The following BSG variants were observed in gnomAD, a reference collection of about 807,000 sequenced individuals.
BSG encodes the protein basigin (Ok blood group).
A neutral mutation model predicts 43.1 loss-of-function variants in BSG; 37 were observed. That is an observed-to-expected ratio of 0.86 (90% CI 0.66 to 1.13). The LOEUF is 1.13. Among genes scored for constraint, BSG ranks in the 50% most tolerant of loss-of-function variants. The pLI, the probability that BSG is intolerant of heterozygous loss-of-function variation, is 0.00. For synonymous variants in BSG, 309 were observed against 238.7 expected, an observed-to-expected ratio of 1.29 and a Z score of -2.72; for missense variants, 599 against 554.2, an observed-to-expected ratio of 1.08 and a Z score of -0.81.
intron 1 of BSG, among the ~76,000 whole-genome samples, chr19:572,979 C>T (rs1423684760): frequency 3.3e-5 from 5 of 152,268 alleles, no homozygotes; most frequent in Middle Eastern, 3.4e-3. Flanking sequence ...AAGCTCCCTG[C>T]TTGGAGGCGG....
chr19:577,554 A>G (rs1981881639), intron 1 of BSG, among the ~76,000 whole-genome samples: 1 of 152,096 alleles, frequency 6.6e-6, no homozygotes, highest in Admixed American at 6.5e-5. Context: ...GTGCCCTCAG[A>G]AGCCGCCGTG....
rs1000243523 is a variant in BSG, at chr19:577,797, T to A, written c.91T>A (p.Ser31Thr). The part of the protein sequence containing the change: ...GAAGFVQAPL[S>T]QQRWVGGSVE... ...AGCCGGCTTCGTCCAGGCGCCGCTG[T>A]CCCAGCAGAGGTGGGTGGGGGGCAG... Residue 31 changes from serine (S) to threonine (T), a missense_variant, in exon 2 of 9, where the codon TCC becomes ACC. Coordinates refer to ENST00000333511, the MANE Select transcript of BSG (RefSeq NM_001728.4). 29 of 1,437,910 alleles carry A rather than the reference T, an allele frequency of 2.0e-5. No individual in the cohort carries two copies. Among genetic ancestry groups the A allele is most frequent in the Non-Finnish European group, 2.2e-5 (24 of 1,089,662 alleles). 89.1% of individuals were successfully genotyped at this position (1,437,910 alleles called of 1,614,324 possible). A position where few individuals can be genotyped will look rare whatever the true frequency, so the allele number is the denominator to read the frequency against.
chr19:580,237 C>G (rs963361638), intron 3 of BSG, 142 bp from the exon 4 acceptor site: 1 of 709,254 alleles, frequency 1.4e-6, no homozygotes, highest in Non-Finnish European at 2.3e-6. Context: ...CACGGGGACC[C>G]CAGGAGTTCT....
chr19:571,475 C>A (rs899528637), upstream of BSG: 3 of 775,870 alleles, frequency 3.9e-6, no homozygotes, highest in Non-Finnish European at 7.2e-6. Flanking sequence ...TCCTTCCTAC[C>A]CGCGTTGCTG....
chr19:579,630 G>A lies in BSG; in HGVS notation c.546G>A (p.Ala182=), dbSNP rs61729580. 26,286 of 1,611,188 alleles carry A rather than the reference G, an allele frequency of 0.016. 305 individuals carry two copies. The highest frequency in any genetic ancestry group is 0.019 in the Middle Eastern group (117 of 6,018). The change falls in exon 3 of 9, where the codon GCG becomes GCA. Residue 182 remains alanine (A), a synonymous_variant. Transcript: ENST00000333511. Reference sequence around the variant, plus strand: ...GGGGCGTGGTGCTGAAGGAGGACGCGCTGCCCGGCCAGAAAACGGAGTTCA... The same window carrying A: ...GGGGCGTGGTGCTGAAGGAGGACGCACTGCCCGGCCAGAAAACGGAGTTCA... ...LKGGVVLKED[A]LPGQKTEFKV...
At chr19:578,158 T>C (rs1350509805) in intron 2 of BSG, 37 bp downstream of exon 2, 2 of 1,490,974 alleles carry the variant, frequency 1.3e-6, no homozygotes, top group Non-Finnish European at 1.8e-6. Context: ...CCTCCCTCAG[T>C]TTCCCTCCTG....
At position 577,948 on chromosome 19, in the gene BSG, T is replaced by A. The variant is rs1180698640; in HGVS notation, c.242T>A (p.Ile81Asn). 6.2e-7 allele frequency: 1 copy of A among 1,610,902 alleles called. No homozygotes were observed. Among genetic ancestry groups the A allele is most frequent in the East Asian group, 2.2e-5 (1 of 44,816 alleles). Residue 81 changes from isoleucine to asparagine, a missense_variant, in exon 2 of 9, where the codon ATC becomes AAC. Transcript: ENST00000333511. Reference sequence around the variant, plus strand: ...GGCGCCCGGCTGGACCGCGTCCACATCCACGCCACCTACCACCAGCACGCG... The same window carrying A: ...GGCGCCCGGCTGGACCGCGTCCACAACCACGCCACCTACCACCAGCACGCG... ...WDGARLDRVH[I>N]HATYHQHAAS...
At chr19:572,828 C>T in intron 1 of BSG, 127 bp downstream of exon 1, 58 of 1,119,612 alleles carry the variant, frequency 5.2e-5, no homozygotes, top group Non-Finnish European at 6.5e-5. Context: ...GAAAGGCCGG[C>T]CCCGGGGGCT....
At chr19:576,017 C>A (rs1044006293) in intron 1 of BSG, among the ~76,000 whole-genome samples, 3 of 152,234 alleles carry the variant, frequency 2.0e-5, no homozygotes, top group Non-Finnish European at 2.9e-5. Flanking sequence ...CAGGGTTGTT[C>A]CATCCAAAGC....
intron 6 of BSG, 143 bp from the exon 7 acceptor site, chr19:582,163 G>A (rs574442476): frequency 2.9e-6 from 3 of 1,017,512 alleles, no homozygotes; most frequent in Non-Finnish European, 2.9e-6. Context: ...CGTGGCCGGG[G>A]CTGATGAGCT....
intron 1 of BSG, 148 bp from the exon 2 acceptor site, chr19:577,626 G>C: frequency 1.7e-6 from 1 of 594,694 alleles, no homozygotes; most frequent in Non-Finnish European, 2.5e-6. Flanking sequence ...GCTGTTTCCA[G>C]CCGGGCCCCA....
rs746184496 is a variant in BSG, at chr19:581,322, T to C, written c.800T>C (p.Met267Thr). The C allele has an allele frequency of 4.3e-6, 7 of 1,612,064 alleles. No individual in the cohort carries two copies. In the East Asian group the frequency reaches 1.1e-4, roughly 26 times the overall value. ...TTGCCTTTGGTCCCCTAGGCCCTCA[T>C]GAACGGCTCCGAGAGCAGGTTCTTC... is the stretch of plus-strand genomic sequence containing the variant. ...KITDSEDKAL[M>T]NGSESRFFVS... is the part of the protein sequence containing the mutation. Residue 267 changes from methionine (M) to threonine (T), a missense_variant, in exon 6 of 9, where the codon ATG becomes ACG. Transcript: ENST00000333511.
intron 4 of BSG, 43 bp from the exon 5 acceptor site, chr19:580,603 C>T (rs367827704): frequency 1.2e-5 from 20 of 1,610,634 alleles, no homozygotes; most frequent in East Asian, 8.9e-5. Context: ...GGGATGGGGG[C>T]GGGCCTGCGG....
chr19:574,746 C>T (rs1326383414), intron 1 of BSG, among the ~76,000 whole-genome samples: 3 of 152,200 alleles, frequency 2.0e-5, no homozygotes, highest in Non-Finnish European at 4.4e-5. Context: ...TAACTCCTGA[C>T]CTACGTCTGA....
At chr19:573,602 C>CT (rs1259817345) in intron 1 of BSG, among the ~76,000 whole-genome samples, 1 of 152,166 alleles carries the variant, frequency 6.6e-6, no homozygotes, top group Non-Finnish European at 1.5e-5. Context: ...GAATCTCCCT[C>CT]TGATTCTGCC....
At chr19:580,846 C>T (rs1385058465) in intron 5 of BSG, 64 bp downstream of exon 5, 1 of 1,489,812 alleles carries the variant, frequency 6.7e-7, no homozygotes, top group Non-Finnish European at 9.1e-7. Flanking sequence ...GAGGCCTAGA[C>T]TGGGGGTCCC....
rs28992480 is a variant in BSG, at chr19:581,624, G to A, written c.1069+33G>A. The A allele has an allele frequency of 1.1e-3, 1,687 of 1,544,214 alleles. 12 individuals carry two copies. The African/African-American group carries it at 0.015, about 14-fold the overall frequency. ...GTCTGCCCTCCTGCCCACATGCCCT[G>A]CTCTCGGGGTGGCCCAGGGCCACTC... On this transcript the variant is annotated intron_variant, in intron 6 of 8. Coordinates refer to ENST00000333511, the MANE Select transcript of BSG (RefSeq NM_001728.4).
At position 581,344 on chromosome 19, in the gene BSG, C is replaced by T. The variant is rs767311859; in HGVS notation, c.822C>T (p.Phe274=). The T allele has an allele frequency of 8.7e-6, 14 of 1,612,628 alleles. No homozygotes were observed. In the East Asian group the frequency reaches 3.1e-4, roughly 36 times the overall value. ...KALMNGSESR[F]FVSSSQGRSE... is the part of the protein sequence containing the mutation. ...TCATGAACGGCTCCGAGAGCAGGTTCTTCGTGAGTTCCTCGCAGGGCCGGT... is the reference window on the plus strand; with the variant it reads ...TCATGAACGGCTCCGAGAGCAGGTTTTTCGTGAGTTCCTCGCAGGGCCGGT... The change falls in exon 6 of 9, where the codon TTC becomes TTT. Residue 274 remains phenylalanine (F), a synonymous_variant. Transcript: ENST00000333511.
intron 1 of BSG, chr19:575,300 TTTGC>T (rs1981667347): frequency 6.6e-6 from 1 of 152,322 alleles, no homozygotes; most frequent in Non-Finnish European, 1.5e-5. Flanking sequence ...GACACTGCTG[TTTGC>T]TCTGTGAATT....
Sources: gnomAD v4.1 joint callset for allele counts (sites outside exome capture counted in the v4.1 genomes callset) on GRCh38, gnomAD v4.1.1 for gene constraint, MANE v1.5 for transcripts, NCBI Gene and HGNC (gene_info 2026-07-23, HGNC 2026-07-21) for gene names.